P4HA1: variants seen among roughly 807,000 people sequenced by gnomAD.
P4HA1 encodes the protein prolyl 4-hydroxylase subunit alpha 1.
P4HA1 carries 24 observed loss-of-function variants against 72.8 expected under a neutral mutation model. That is an observed-to-expected ratio of 0.33 (90% CI 0.24 to 0.46). The LOEUF (loss-of-function observed/expected upper bound fraction) is 0.46, where lower values mean the gene tolerates loss of function less well. Among genes scored for constraint, P4HA1 ranks in the 20% least tolerant of loss-of-function variants. The pLI, the probability that P4HA1 is intolerant of heterozygous loss-of-function variation, is 1.00. For missense variants in P4HA1, 446 were observed against 640.6 expected (o/e 0.70, Z 3.28); for synonymous variants, 201 against 218.8 (o/e 0.92, Z 0.72).
intron 9 of P4HA1, among the ~76,000 whole-genome samples, chr10:73,037,569 ATATTTTT>A (rs1291452958): frequency 3.0e-4 from 8 of 26,734 alleles, no homozygotes; most frequent in African/African-American, 8.9e-4. Flanking sequence ...ATATATATAT[ATATTTTT>A]TTTTTTTTTT....
intron 4 of P4HA1, among the ~76,000 whole-genome samples, chr10:73,070,861 GAATA>G (rs1305432069): frequency 1.3e-5 from 2 of 152,058 alleles, no homozygotes; most frequent in African/African-American, 2.4e-5. Flanking sequence ...CATTACTTGA[GAATA>G]AATATATCGA....
At chr10:73,037,089 A>AT (rs1840591366) in intron 9 of P4HA1, among the ~76,000 whole-genome samples, 1 of 152,130 alleles carries the variant, frequency 6.6e-6, no homozygotes, top group Non-Finnish European at 1.5e-5. Flanking sequence ...ATGTCAACTA[A>AT]TTATACAGTG....
intron 10 of P4HA1, among the ~76,000 whole-genome samples, chr10:73,020,379 A>T (rs1269856124): frequency 6.6e-6 from 1 of 152,122 alleles, no homozygotes; most frequent in Non-Finnish European, 1.5e-5. Context: ...CAGACCAATA[A>T]GGAATTCTGA....
At chr10:73,072,749 T>A (rs1276122888) in intron 3 of P4HA1, among the ~76,000 whole-genome samples, 1 of 152,174 alleles carries the variant, frequency 6.6e-6, no homozygotes, top group Non-Finnish European at 1.5e-5. Flanking sequence ...ACACTAACGC[T>A]ACCATCACTA....
intron 12 of P4HA1, among the ~76,000 whole-genome samples, chr10:73,012,184 A>C (rs1839921831): frequency 1.3e-5 from 2 of 152,238 alleles, no homozygotes; most frequent in African/African-American, 2.4e-5. Flanking sequence ...TTCATAAAAC[A>C]AAGAAATATA....
At chr10:73,025,719 G>A (rs1241002135) in intron 10 of P4HA1, among the ~76,000 whole-genome samples, 3 of 152,050 alleles carry the variant, frequency 2.0e-5, no homozygotes, top group South Asian at 2.1e-4. Context: ...AAACCCCATT[G>A]TCTCAGCCCA....
chr10:73,029,642 GT>G (rs770544011), intron 10 of P4HA1, among the ~76,000 whole-genome samples: 45 of 146,050 alleles, frequency 3.1e-4, no homozygotes, highest in Admixed American at 4.1e-4. Context: ...CCTATGCTTA[GT>G]TTTTTTTTTT....
chr10:73,046,100 C>A (rs1188978731), intron 8 of P4HA1, among the ~76,000 whole-genome samples: 1 of 152,124 alleles, frequency 6.6e-6, no homozygotes, highest in African/African-American at 2.4e-5. Context: ...TGCTTTTGCA[C>A]TATAATGGCA....
intron 5 of P4HA1, among the ~76,000 whole-genome samples, chr10:73,067,083 G>A (rs1385555717): frequency 2.0e-5 from 3 of 152,024 alleles, no homozygotes; most frequent in Non-Finnish European, 4.4e-5. Context: ...GCCCAGGCTG[G>A]TCTTGAACTC....
chr10:73,073,949 G>C, intron 2 of P4HA1, 122 bp from the exon 3 acceptor site: 1 of 666,008 alleles, frequency 1.5e-6, no homozygotes, highest in Non-Finnish European at 2.7e-6. Context: ...AGATATGCTG[G>C]AGACTATCTT....
In P4HA1 at chr10:73,014,112, A is replaced by G. The variant is rs76089961; in HGVS notation, c.1368+112T>C. On this transcript the variant is annotated intron_variant, in intron 12 of 14. Transcript: ENST00000394890. The stretch of plus-strand genomic sequence containing the variant: ...TCTTAACTCACTTTATTCAGTTGTA[A>G]AAATGTTAAACTAGGATGCTGAATC... 2,219 of 739,962 alleles carry G rather than the reference A, an allele frequency of 3.0e-3. 40 individuals carry two copies. In the African/African-American group the frequency reaches 0.033, roughly 11 times the overall value. 45.8% of individuals were successfully genotyped at this position (739,962 alleles called of 1,614,324 possible). A position where few individuals can be genotyped will look rare whatever the true frequency, so the allele number is the denominator to read the frequency against.
intron 6 of P4HA1, among the ~76,000 whole-genome samples, chr10:73,052,726 C>T (rs1841048539): frequency 6.6e-6 from 1 of 152,134 alleles, no homozygotes; most frequent in Non-Finnish European, 1.5e-5. Context: ...AGTTTTAAAG[C>T]TTCGTTATAT....
At chr10:73,050,631 C>G (rs929560674) in intron 7 of P4HA1, among the ~76,000 whole-genome samples, 1 of 149,328 alleles carries the variant, frequency 6.7e-6, no homozygotes, top group African/African-American at 2.5e-5. Context: ...ACCCAAGAGG[C>G]GGAATTTGCA....
chr10:73,051,118 C>G lies in P4HA1; in HGVS notation c.835G>C (p.Ala279Pro), dbSNP rs777499769. 1 of 1,614,106 alleles carries G rather than the reference C, an allele frequency of 6.2e-7. No individual in the cohort carries two copies. The highest frequency in any genetic ancestry group is 8.5e-7 in the Non-Finnish European group (1 of 1,179,982). ...QKTTPKKKGV[A>P]VDYLPERQKY... ...TGTCTCTCTGGCAGGTAATCCACAGCAACCCCTTTTTTCTTTGGTGTAGTT... is the reference window on the plus strand; with the variant it reads ...TGTCTCTCTGGCAGGTAATCCACAGGAACCCCTTTTTTCTTTGGTGTAGTT... Residue 279 changes from alanine (A) to proline (P), a missense_variant, in exon 7 of 15, where the codon GCT (alanine) becomes CCT (proline). By Grantham distance (27) the Ala-to-Pro change is conservative. Transcript: ENST00000394890.
At chr10:73,018,341 T>C (rs1840055730) in intron 10 of P4HA1, among the ~76,000 whole-genome samples, 1 of 152,188 alleles carries the variant, frequency 6.6e-6, no homozygotes, top group Non-Finnish European at 1.5e-5. Context: ...GCTGAAGTAG[T>C]ACCCAGAGAC....
intron 4 of P4HA1, among the ~76,000 whole-genome samples, chr10:73,070,033 C>T (rs1410813266): frequency 6.6e-6 from 1 of 151,266 alleles, no homozygotes; most frequent in African/African-American, 2.4e-5. Flanking sequence ...TGGTCTCCAA[C>T]TCCTGGTCTC....
intron 5 of P4HA1, chr10:73,065,209 C>G (rs1202207853): frequency 6.7e-6 from 1 of 150,146 alleles, no homozygotes; most frequent in Non-Finnish European, 1.5e-5. Flanking sequence ...TATTACTGAC[C>G]CCCACCCCCT....
At chr10:73,072,559 T>C (rs565546062) in intron 3 of P4HA1, among the ~76,000 whole-genome samples, 1 of 152,316 alleles carries the variant, frequency 6.6e-6, no homozygotes, top group South Asian at 2.1e-4. Context: ...TACATGTTCA[T>C]TTAAATCAAC....
chr10:73,058,349 T>C (rs1365027230), intron 5 of P4HA1, among the ~76,000 whole-genome samples: 1 of 152,206 alleles, frequency 6.6e-6, no homozygotes, highest in Non-Finnish European at 1.5e-5. Context: ...ATTTCTACTT[T>C]ACTTGCTGTC....
Sources: gnomAD v4.1 joint callset for allele counts (sites outside exome capture counted in the v4.1 genomes callset) on GRCh38, gnomAD v4.1.1 for gene constraint, MANE v1.5 for transcripts, NCBI Gene and HGNC (gene_info 2026-07-23, HGNC 2026-07-21) for gene names.